The following RORA variants were observed in gnomAD, a reference collection of about 807,000 sequenced individuals.
The protein encoded by RORA is nuclear receptor ROR-alpha.
A neutral mutation model predicts 69.5 loss-of-function variants in RORA; 7 were observed. The observed-to-expected ratio is 0.10, with a 90% CI of 0.06 to 0.19. The LOEUF (loss-of-function observed/expected upper bound fraction) is 0.19. Ranked by LOEUF, RORA falls within the 10% of genes least tolerant of loss-of-function variation. The pLI is 1.00. For missense variants in RORA, 457 were observed against 663.0 expected (o/e 0.69, Z 3.41); for synonymous variants, 261 against 240.8 (o/e 1.08, Z -0.78).
intron 1 of RORA, among the ~76,000 whole-genome samples, chr15:60,777,439 A>C (rs2072185722): frequency 6.6e-6 from 1 of 152,190 alleles, no homozygotes; most frequent in African/African-American, 2.4e-5. Flanking sequence ...CAGTTTTTCC[A>C]GTTAAGTTTG....
chr15:61,116,814 T>C (rs980393006), intron 1 of RORA, among the ~76,000 whole-genome samples: 1 of 152,064 alleles, frequency 6.6e-6, no homozygotes, highest in Non-Finnish European at 1.5e-5. Context: ...ATAGAAAAAA[T>C]ATAACTAAAT....
At chr15:61,083,138 C>G (rs577961120) in intron 1 of RORA, among the ~76,000 whole-genome samples, 178 of 152,218 alleles carry the variant, frequency 1.2e-3, no homozygotes, top group Non-Finnish European at 2.4e-3. Flanking sequence ...CTGCGCCTGA[C>G]TGTTCACTGC....
intron 3 of RORA, among the ~76,000 whole-genome samples, chr15:60,524,912 C>T (rs188473782): frequency 6.6e-6 from 1 of 152,112 alleles, no homozygotes; most frequent in Non-Finnish European, 1.5e-5. Context: ...GAGGTTAAGC[C>T]GTGTGCCCAA....
intron 1 of RORA, among the ~76,000 whole-genome samples, chr15:61,163,994 T>G (rs2079519285): frequency 6.6e-6 from 1 of 152,166 alleles, no homozygotes; most frequent in African/African-American, 2.4e-5. Context: ...CAATAAACTG[T>G]TAGATAGTTT....
chr15:60,693,644 C>A (rs1458277680), intron 1 of RORA, among the ~76,000 whole-genome samples: 1 of 152,026 alleles, frequency 6.6e-6, no homozygotes. Flanking sequence ...TCCTATTCAC[C>A]AACAGTAGAC....
chr15:60,601,886 C>T (rs1460126855), intron 2 of RORA, among the ~76,000 whole-genome samples: 3 of 152,152 alleles, frequency 2.0e-5, no homozygotes, highest in African/African-American at 4.8e-5. Context: ...TTTGACAACA[C>T]ATCTTAAGTA....
intron 1 of RORA, among the ~76,000 whole-genome samples, chr15:60,996,680 G>A (rs1894549343): frequency 6.6e-6 from 1 of 152,128 alleles, no homozygotes; most frequent in Non-Finnish European, 1.5e-5. Context: ...GGAGGCTGAG[G>A]TGGGTGGATC....
At chr15:61,067,971 A>G (rs1201882059) in intron 1 of RORA, among the ~76,000 whole-genome samples, 1 of 152,240 alleles carries the variant, frequency 6.6e-6, no homozygotes, top group East Asian at 1.9e-4. Context: ...CCAGAGGGTC[A>G]GAGATATGCT....
chr15:60,771,843 C>A (rs1245818460), intron 1 of RORA, among the ~76,000 whole-genome samples: 1 of 152,192 alleles, frequency 6.6e-6, no homozygotes, highest in Non-Finnish European at 1.5e-5. Flanking sequence ...CTCTCAGGAT[C>A]ATGAGGATAC....
intron 1 of RORA, among the ~76,000 whole-genome samples, chr15:61,211,519 T>C (rs1405424659): frequency 6.6e-6 from 1 of 152,152 alleles, no homozygotes; most frequent in East Asian, 1.9e-4. Flanking sequence ...AAAACAGGCT[T>C]TCCTTTTAAT....
intron 2 of RORA, among the ~76,000 whole-genome samples, chr15:60,552,382 C>T (rs1161313304): frequency 6.6e-6 from 1 of 152,174 alleles, no homozygotes; most frequent in East Asian, 1.9e-4. Flanking sequence ...AAGTCACCTG[C>T]TATGAATACC....
chr15:61,054,378 C>G (rs1394804831), intron 1 of RORA, among the ~76,000 whole-genome samples: 1 of 151,784 alleles, frequency 6.6e-6, no homozygotes, highest in Non-Finnish European at 1.5e-5. Flanking sequence ...GTTAGCACAG[C>G]TATACTCTTC....
chr15:60,682,881 G>A (rs567390290), intron 1 of RORA, among the ~76,000 whole-genome samples: 37 of 152,348 alleles, frequency 2.4e-4, no homozygotes, highest in African/African-American at 7.9e-4. Flanking sequence ...GTGAATGACG[G>A]GGTGGAACCA....
At chr15:61,178,949 T>A (rs2079656446) in intron 1 of RORA, among the ~76,000 whole-genome samples, 1 of 152,354 alleles carries the variant, frequency 6.6e-6, no homozygotes, top group Non-Finnish European at 1.5e-5. Context: ...ATGACCCATC[T>A]ACATACTTTT....
At chr15:60,967,893 A>C (rs1387305971) in intron 1 of RORA, among the ~76,000 whole-genome samples, 1 of 152,180 alleles carries the variant, frequency 6.6e-6, no homozygotes, top group Non-Finnish European at 1.5e-5. Context: ...ATGTGGTTAC[A>C]AATGCTTGCC....
intron 1 of RORA, among the ~76,000 whole-genome samples, chr15:60,912,327 T>C (rs1891749988): frequency 6.6e-6 from 1 of 151,974 alleles, no homozygotes; most frequent in South Asian, 2.1e-4. Flanking sequence ...GAGGCTGAGA[T>C]GACAGGATCG....
intron 2 of RORA, among the ~76,000 whole-genome samples, chr15:60,657,113 A>G (rs2070232709): frequency 6.6e-6 from 1 of 152,156 alleles, no homozygotes; most frequent in Non-Finnish European, 1.5e-5. Context: ...ACAAATCTCC[A>G]GGGTTTCTTG....
In RORA at chr15:60,558,235, G is replaced by A. The variant is rs2140413123; in HGVS notation, c.197-26384C>T. The A allele has an allele frequency of 8.1e-6, 13 of 1,610,506 alleles. No individual in the cohort carries two copies. Among genetic ancestry groups the A allele is most frequent in the Non-Finnish European group, 1.1e-5 (13 of 1,178,494 alleles). Reference sequence around the variant, plus strand: ...TTTGGATTCACTTACACAGACGCCAGTAAGAACAAAAGCATCACCTGAAGA... The same window carrying A: ...TTTGGATTCACTTACACAGACGCCAATAAGAACAAAAGCATCACCTGAAGA... On this transcript the variant is annotated intron_variant, in intron 2 of 10. Transcript: ENST00000335670.
intron 2 of RORA, among the ~76,000 whole-genome samples, chr15:60,675,403 TA>T (rs1251602381): frequency 6.6e-6 from 1 of 152,182 alleles, no homozygotes; most frequent in Admixed American, 6.5e-5. Flanking sequence ...GATCTAATAT[TA>T]AAAACTCTCT....
Sources: gnomAD v4.1 joint callset for allele counts (sites outside exome capture counted in the v4.1 genomes callset) on GRCh38, gnomAD v4.1.1 for gene constraint, MANE v1.5 for transcripts, NCBI Gene and HGNC (gene_info 2026-07-23, HGNC 2026-07-21) for gene names.